Variants in PRELID2 observed in about 807,000 individuals in gnomAD.
PRELID2 encodes PRELI domain-containing protein 2.
A neutral mutation model predicts 28.4 loss-of-function variants in PRELID2; 25 were observed. That is an observed-to-expected ratio of 0.88 (90% CI 0.64 to 1.23). PRELID2 has a LOEUF of 1.23. PRELID2 is among the 50% of genes most tolerant of loss of function. The probability of loss-of-function intolerance (pLI) is 0.00; values close to 1 mark genes in which losing one functional copy is unlikely to be tolerated. For synonymous variants in PRELID2, 76 were observed against 71.6 expected (o/e 1.06, Z -0.31); for missense variants, 201 against 214.4 (o/e 0.94, Z 0.39).
intron 1 of PRELID2, among the ~76,000 whole-genome samples, chr5:145,686,296 G>A (rs1755037346): frequency 6.6e-6 from 1 of 152,094 alleles, no homozygotes; most frequent in African/African-American, 2.4e-5. Flanking sequence ...CTAGCACAGT[G>A]CCTGGCTTAT....
the PRELID2 span, among the ~76,000 whole-genome samples, chr5:145,317,157 G>A: frequency 2.6e-5 from 4 of 152,332 alleles, no homozygotes; most frequent in East Asian, 7.7e-4. Flanking sequence ...TGTTTGTCCA[G>A]TTTAATAGGT....
intron 1 of PRELID2, among the ~76,000 whole-genome samples, chr5:145,507,410 T>G (rs1580962065): frequency 6.6e-6 from 1 of 152,068 alleles, no homozygotes; most frequent in South Asian, 2.1e-4. Context: ...TTCCCTGAAG[T>G]TGGAGAGAGT....
In PRELID2 at chr5:145,597,868, A is replaced by G. The variant is rs114449687; in HGVS notation, n.71-124553T>C. On this transcript the variant is annotated intron_variant and non_coding_transcript_variant, in intron 1 of 2. Coordinates refer to the PRELID2 transcript ENST00000510259. The stretch of plus-strand genomic sequence containing the variant: ...TTTGCTCAATGAATTGCATTGAGTA[A>G]GGAGCTGGGTGAATACAGAAGTGTC... Among the ~76,000 whole-genome samples, 400 of 152,304 alleles carry G rather than the reference A, an allele frequency of 2.6e-3. 4 individuals carry two copies. Among genetic ancestry groups the G allele is most frequent in the African/African-American group, 8.9e-3 (372 of 41,574 alleles).
chr5:145,470,374 C>T (rs1341662126), downstream of PRELID2, among the ~76,000 whole-genome samples: 1 of 152,120 alleles, frequency 6.6e-6, no homozygotes, highest in Non-Finnish European at 1.5e-5. Flanking sequence ...ATCTACATTG[C>T]ACCCATCGAC....
chr5:145,536,045 A>G (rs545026556), intron 1 of PRELID2, among the ~76,000 whole-genome samples: 1 of 152,090 alleles, frequency 6.6e-6, no homozygotes, highest in African/African-American at 2.4e-5. Context: ...AAAAAATACT[A>G]CAAAGTTTGT....
intron 6 of PRELID2, among the ~76,000 whole-genome samples, chr5:145,761,996 G>T (rs1056961619): frequency 6.6e-5 from 10 of 152,118 alleles, no homozygotes; most frequent in African/African-American, 2.4e-4. Flanking sequence ...GAAAAGGAAA[G>T]GAATAAGCTG....
intron 1 of PRELID2, among the ~76,000 whole-genome samples, chr5:145,748,957 C>G (rs539221953): frequency 8.5e-5 from 13 of 152,106 alleles, no homozygotes; most frequent in Non-Finnish European, 1.8e-4. Flanking sequence ...TTCCTTACAC[C>G]TTATACAAAA....
At chr5:145,623,209 G>T (rs57342170) in intron 1 of PRELID2, among the ~76,000 whole-genome samples, 8,724 of 151,582 alleles carry the variant, frequency 0.058, 792 homozygotes, top group African/African-American at 0.2. Flanking sequence ...CCAGCACTTT[G>T]GGAGGCCACA....
chr5:145,829,795 T>C (rs995033766), intron 1 of PRELID2, among the ~76,000 whole-genome samples: 5 of 152,120 alleles, frequency 3.3e-5, no homozygotes, highest in Admixed American at 2.0e-4. Flanking sequence ...AAAGATAACA[T>C]GTAAGTGTCA....
the PRELID2 span, among the ~76,000 whole-genome samples, chr5:145,257,057 A>G: frequency 3.9e-5 from 6 of 152,118 alleles, no homozygotes; most frequent in Admixed American, 3.9e-4. Flanking sequence ...AAAAAATTCT[A>G]TAAAGCATGA....
At chr5:145,389,186 C>T in the PRELID2 span, among the ~76,000 whole-genome samples, 1 of 152,142 alleles carries the variant, frequency 6.6e-6, no homozygotes, top group African/African-American at 2.4e-5. Context: ...CTGTCTGCCT[C>T]CCCTACCGCT....
the PRELID2 span, among the ~76,000 whole-genome samples, chr5:145,418,823 C>T: frequency 1.3e-5 from 2 of 151,818 alleles, no homozygotes; most frequent in East Asian, 3.9e-4. Context: ...TGGTGCGCTG[C>T]ACCCACTAAC....
At chr5:145,599,090 G>A (rs543593054) in intron 1 of PRELID2, among the ~76,000 whole-genome samples, 4 of 152,114 alleles carry the variant, frequency 2.6e-5, no homozygotes, top group South Asian at 2.1e-4. Context: ...AAAGAGCTGC[G>A]AAGGTGGTCA....
intron 1 of PRELID2, among the ~76,000 whole-genome samples, chr5:145,689,626 C>G (rs1426438674): frequency 1.3e-5 from 2 of 152,184 alleles, no homozygotes; most frequent in African/African-American, 4.8e-5. Flanking sequence ...ACCTTCCTGA[C>G]AGCTCTGGGG....
chr5:145,266,302 T>C, the PRELID2 span, among the ~76,000 whole-genome samples: 1 of 149,402 alleles, frequency 6.7e-6, no homozygotes, highest in East Asian at 2.0e-4. Context: ...CTGGGTTGTT[T>C]AAATGAGCAT....
At chr5:145,619,671 C>G (rs1242679258) in intron 1 of PRELID2, among the ~76,000 whole-genome samples, 1 of 152,206 alleles carries the variant, frequency 6.6e-6, no homozygotes, top group South Asian at 2.1e-4. Flanking sequence ...GAGCCTCCCC[C>G]TGCTGCTCTG....
the PRELID2 span, chr5:145,229,037 G>C: frequency 1.9e-6 from 3 of 1,601,288 alleles, no homozygotes; most frequent in Non-Finnish European, 2.6e-6. Flanking sequence ...TCATCTGGGC[G>C]GCCATCCAGT....
rs10555229 is a variant in PRELID2 at position 145,800,301 on chromosome 5, T to TACACACAC, written c.369-3762_369-3755dup. ...CCCCTTCCCTTTCCTCCCCTTCTCT[T>TACACACAC]ACACACACACACACACACACACACA... is the stretch of plus-strand genomic sequence containing the variant. On this transcript the variant is annotated intron_variant, in intron 4 of 6. Coordinates refer to ENST00000683046, the MANE Select transcript of PRELID2 (RefSeq NM_205846.3). 1.6e-3 allele frequency among the ~76,000 whole-genome samples: 216 copies of TACACACAC among 138,558 alleles called. 1 individual carries two copies. Among genetic ancestry groups the TACACACAC allele is most frequent in the East Asian group, 4.7e-3 (22 of 4,664 alleles). The allele number at this position is 138,558 out of a possible 152,430, so 90.9% of individuals were successfully genotyped here.
chr5:145,275,817 C>G, the PRELID2 span, among the ~76,000 whole-genome samples: 1 of 152,120 alleles, frequency 6.6e-6, no homozygotes, highest in Non-Finnish European at 1.5e-5. Flanking sequence ...TTAATCCTGC[C>G]TCTACCACTT....
Sources: allele counts gnomAD v4.1 joint callset (sites outside exome capture counted in the v4.1 genomes callset), GRCh38; gene constraint gnomAD v4.1.1; transcripts MANE v1.5; gene names NCBI Gene and HGNC (gene_info 2026-07-23, HGNC 2026-07-21).